PRDM5: variants seen among roughly 807,000 people sequenced by gnomAD.
PRDM5 encodes the protein PR/SET domain 5.
Under a neutral mutation model 81.2 loss-of-function variants are expected in PRDM5, and 56 were observed. That is an observed-to-expected ratio of 0.69 (90% CI 0.56 to 0.86). The LOEUF (loss-of-function observed/expected upper bound fraction) is 0.86. PRDM5 is among the 40% of genes least tolerant of loss of function. The probability of loss-of-function intolerance (pLI) is 0.00; values close to 1 mark genes in which losing one functional copy is unlikely to be tolerated. For missense variants in PRDM5, 697 were observed against 770.1 expected (o/e 0.91, Z 1.12); for synonymous variants, 267 against 256.4 (o/e 1.04, Z -0.39).
At position 120,710,391 on chromosome 4, in the gene PRDM5, T is replaced by C. The variant is rs1187436680; in HGVS notation, c.1646A>G (p.Glu549Gly). 6.2e-7 allele frequency: 1 copy of C among 1,614,152 alleles called. No homozygotes were observed. The highest frequency in any genetic ancestry group is 8.5e-7 in the Non-Finnish European group (1 of 1,180,030). ...CTTCTGGCTGAAGGCCTTGCTGCAC[T>C]CTGAGCACTTGTACGGCTTCTCCTG... ...HTREKPYKCS[E>G]CSKAFSQKRG... Residue 549 changes from glutamate to glycine, a missense_variant, in exon 15 of 16, where the codon GAG becomes GGG. This residue lies in a region of PRDM5 where 86 missense variants were observed against 135.2 expected (regional missense o/e 0.64). Transcript: ENST00000264808.
intron 15 of PRDM5, among the ~76,000 whole-genome samples, chr4:120,697,583 C>T (rs952212079): frequency 1.1e-4 from 16 of 148,600 alleles, no homozygotes; most frequent in African/African-American, 4.0e-4. Context: ...AATCTTGGTT[C>T]ACTGCAGCCT....
intron 2 of PRDM5, among the ~76,000 whole-genome samples, chr4:120,903,828 C>T (rs1320464290): frequency 6.6e-6 from 1 of 152,168 alleles, no homozygotes; most frequent in Non-Finnish European, 1.5e-5. Context: ...AAACATGCCT[C>T]TGCTTCTCCT....
intron 3 of PRDM5, chr4:120,838,864 G>C (rs530369595): frequency 1.6e-4 from 38 of 233,604 alleles, no homozygotes; most frequent in African/African-American, 7.0e-4. Context: ...TTCCACACCT[G>C]CCAAGGGAGA....
At chr4:120,726,356 G>A (rs571662208) in intron 14 of PRDM5, among the ~76,000 whole-genome samples, 2 of 152,220 alleles carry the variant, frequency 1.3e-5, no homozygotes, top group South Asian at 2.1e-4. Context: ...ATGGACTCAC[G>A]GATCTCAGTG....
chr4:120,796,622 C>G lies in PRDM5; in HGVS notation c.1188+1645G>C, dbSNP rs1033167769. Among the ~76,000 whole-genome samples the G allele has an allele frequency of 5.9e-5, 9 of 152,108 alleles. No individual in the cohort carries two copies. The East Asian group carries it at 1.5e-3, about 26-fold the overall frequency. ...AGCAGCAGTAATGAACGCAGTCCTG[C>G]CCCGAATGTACAATGCTTGAGGTAA... On this transcript the variant is annotated intron_variant, in intron 10 of 15. Transcript: ENST00000264808.
intron 8 of PRDM5, among the ~76,000 whole-genome samples, chr4:120,807,212 G>A (rs1000927365): frequency 1.3e-5 from 2 of 152,256 alleles, no homozygotes; most frequent in South Asian, 4.1e-4. Flanking sequence ...AGGTGCTGGA[G>A]AGGATGTGGA....
rs749066625 is a variant in PRDM5 at position 120,798,258 on chromosome 4, A to G, written c.1188+9T>C. 9 of 1,515,856 alleles carry G rather than the reference A, an allele frequency of 5.9e-6. No homozygotes were observed. The South Asian group carries it at 1.2e-4, about 20-fold the overall frequency. 93.9% of individuals were successfully genotyped at this position (1,515,856 alleles called of 1,614,324 possible). ...CATAAAAAATAATAATAATATTAATAAGTTTTACCTTCTTATGATTCTTGT... is the reference window on the plus strand; with the variant it reads ...CATAAAAAATAATAATAATATTAATGAGTTTTACCTTCTTATGATTCTTGT... On this transcript the variant is annotated intron_variant, in intron 10 of 15. Transcript: ENST00000264808.
intron 2 of PRDM5, among the ~76,000 whole-genome samples, chr4:120,871,562 C>A (rs1761789723): frequency 6.6e-6 from 1 of 152,098 alleles, no homozygotes. Context: ...ATATTGCTAA[C>A]CAAAATGTCC....
At position 120,739,361 on chromosome 4, in the gene PRDM5, C is replaced by T. The variant is rs187952311; in HGVS notation, c.1623+15192G>A. ...GAGATTACCAGCACCACCTTGGAGA[C>T]TACCTTACTACACCATTATTCCAAC... On this transcript the variant is annotated intron_variant, in intron 14 of 15. Transcript: ENST00000264808. Among the ~76,000 whole-genome samples, 238 of 152,306 alleles carry T rather than the reference C, an allele frequency of 1.6e-3. 1 individual carries two copies. The highest frequency in any genetic ancestry group is 2.7e-3 in the Non-Finnish European group (182 of 68,032).
In PRDM5 at chr4:120,907,526, T is replaced by G. The variant is rs1269597260; in HGVS notation, c.125A>C (p.Lys42Thr). Reference sequence around the variant, plus strand: ...TTCATCCAAGTCTTCAGGCATTCTCTTCTCTCCAGCAAAGGGTCCGAACTT... The same window carrying G: ...TTCATCCAAGTCTTCAGGCATTCTCGTCTCTCCAGCAAAGGGTCCGAACTT... ...GEKFGPFAGE[K>T]RMPEDLDENM... Residue 42 changes from lysine (K) to threonine (T), a missense_variant, in exon 2 of 16, where the codon AAG becomes ACG. Around this residue, in one of 3 missense-constraint regions of PRDM5, gnomAD observed 577 missense variants for 606.7 expected, o/e 0.95. Transcript: ENST00000264808. The G allele has an allele frequency of 8.1e-6, 13 of 1,612,818 alleles. No individual in the cohort carries two copies. Among genetic ancestry groups the G allele is most frequent in the Non-Finnish European group, 1.0e-5 (12 of 1,178,970 alleles).
intron 10 of PRDM5, among the ~76,000 whole-genome samples, chr4:120,790,299 T>C (rs1433804030): frequency 6.6e-6 from 1 of 152,116 alleles, no homozygotes; most frequent in East Asian, 1.9e-4. Flanking sequence ...GCTCCTGAAA[T>C]AGATGGAAAT....
intron 13 of PRDM5, chr4:120,762,578 C>T (rs1207683805): frequency 6.6e-6 from 1 of 152,108 alleles, no homozygotes; most frequent in East Asian, 1.9e-4. Context: ...AAGCACCACC[C>T]AATTACTTTT....
intron 14 of PRDM5, among the ~76,000 whole-genome samples, chr4:120,728,453 A>G (rs893006556): frequency 2.0e-5 from 3 of 152,076 alleles, no homozygotes; most frequent in Non-Finnish European, 2.9e-5. Flanking sequence ...ATATATACAT[A>G]TATATATTTT....
chr4:120,908,902 A>G (rs2122512), intron 1 of PRDM5, among the ~76,000 whole-genome samples: 20,543 of 152,174 alleles, frequency 0.13, 1,487 homozygotes, highest in South Asian at 0.2. Flanking sequence ...GGCATTCAAC[A>G]TCACACTTAA....
chr4:120,695,810 A>T (rs1560877126), intron 15 of PRDM5, among the ~76,000 whole-genome samples: 1 of 152,146 alleles, frequency 6.6e-6, no homozygotes, highest in Non-Finnish European at 1.5e-5. Flanking sequence ...AAATATTAAC[A>T]CAGAAAATGC....
At chr4:120,713,658 G>A (rs1178916547) in intron 14 of PRDM5, among the ~76,000 whole-genome samples, 1 of 152,050 alleles carries the variant, frequency 6.6e-6, no homozygotes, top group African/African-American at 2.4e-5. Flanking sequence ...TTATCCATAT[G>A]TTTTATCTCC....
At chr4:120,854,975 C>T (rs777564907) in intron 2 of PRDM5, among the ~76,000 whole-genome samples, 2 of 151,916 alleles carry the variant, frequency 1.3e-5, no homozygotes, top group Non-Finnish European at 2.9e-5. Flanking sequence ...AAGGAGCAAC[C>T]GAGAAAGTGG....
intron 3 of PRDM5, among the ~76,000 whole-genome samples, chr4:120,848,961 A>G (rs189350923): frequency 1.1e-4 from 16 of 152,300 alleles, no homozygotes; most frequent in Admixed American, 7.2e-4. Context: ...AGACAGCTGT[A>G]CTTTATCATT....
At chr4:120,896,347 T>C (rs1235802276) in intron 2 of PRDM5, 1 of 152,188 alleles carries the variant, frequency 6.6e-6, no homozygotes, top group African/African-American at 2.4e-5. Flanking sequence ...GCGAGGAACT[T>C]TATTTTAAAA....
Sources: allele counts gnomAD v4.1 joint callset (sites outside exome capture counted in the v4.1 genomes callset), GRCh38; gene constraint gnomAD v4.1.1; regional missense constraint gnomAD v4.1.1; transcripts MANE v1.5; gene names NCBI Gene and HGNC (gene_info 2026-07-23, HGNC 2026-07-21).